CRYBG3: variants seen among roughly 807,000 people sequenced by gnomAD.
CRYBG3 encodes the protein crystallin beta-gamma domain containing 3, also known as very large A-kinase anchor protein.
A neutral mutation model predicts 244.2 loss-of-function variants in CRYBG3; 127 were observed. That is an observed-to-expected ratio of 0.52 (90% CI 0.45 to 0.60). The LOEUF is 0.60. CRYBG3 is among the 20% of genes least tolerant of loss of function. CRYBG3 has a pLI of 0.00. For missense variants in CRYBG3, 3,325 were observed against 3,442.5 expected (o/e 0.97, Z 0.85); for synonymous variants, 1,132 against 1,195.8 (o/e 0.95, Z 1.10).
chr3:97,931,372 G>A (rs1040444035), intron 17 of CRYBG3, among the ~76,000 whole-genome samples: 8 of 152,056 alleles, frequency 5.3e-5, no homozygotes, highest in African/African-American at 1.7e-4. Flanking sequence ...GTGTAAATGG[G>A]TTCTGTTTTG....
chr3:97,924,334 A>G (rs2040016176), intron 17 of CRYBG3: 1 of 409,642 alleles, frequency 2.4e-6, no homozygotes, highest in East Asian at 7.7e-5. Context: ...TTAGAAGAAA[A>G]TATAGGAATC....
chr3:97,892,899 A>G lies in CRYBG3; in HGVS notation c.7480A>G (p.Lys2494Glu), dbSNP rs117417941. 2,165 of 1,564,714 alleles carry G rather than the reference A, an allele frequency of 1.4e-3. 53 individuals are homozygous for G. The East Asian group carries it at 0.044, about 32-fold the overall frequency. Reference protein sequence around the residue: ...YEKPHFHGQAKEFSEHIDSVP... With the variant: ...YEKPHFHGQAEEFSEHIDSVP... Reference sequence around the variant, plus strand: ...AAAACCTCACTTCCATGGACAGGCTAAAGAGTTTAGTGAACATATAGATTC... The same window carrying G: ...AAAACCTCACTTCCATGGACAGGCTGAAGAGTTTAGTGAACATATAGATTC... Residue 2494 changes from lysine (K) to glutamate (E), a missense_variant, in exon 11 of 22, where the codon AAA becomes GAA. Around this residue, in one of 4 missense-constraint regions of CRYBG3, gnomAD observed 714 missense variants for 803.6 expected, o/e 0.89. Transcript: ENST00000389622.
Position 97,881,168 on chromosome 3 carries a change from A to G in CRYBG3, c.7101A>G (p.Arg2367=). The G allele has an allele frequency of 6.2e-7, 1 of 1,611,508 alleles. No individual in the cohort carries two copies. Among genetic ancestry groups the G allele is most frequent in the Non-Finnish European group, 8.5e-7 (1 of 1,178,566 alleles). The change falls in exon 7 of 22, where the codon AGA becomes AGG. Residue 2367 remains arginine (R), a synonymous_variant. Coordinates refer to ENST00000389622, the MANE Select transcript of CRYBG3 (RefSeq NM_153605.4). ...ATCGTGACTGGATTCTTCAGAACAG[A>G]AGGCATCCACAAAGAAACTTTATAT... ...VLNRDWILQN[R]RHPQRNFILG... is the part of the protein sequence containing the mutation.
intron 19 of CRYBG3, 34 bp from the exon 20 acceptor site, chr3:97,941,114 G>GTTTA: frequency 1.3e-6 from 2 of 1,563,956 alleles, no homozygotes; most frequent in Non-Finnish European, 1.7e-6. Context: ...AGATTCAAAA[G>GTTTA]TTTATTTCTA....
chr3:97,870,781 C>T (rs1422217937), intron 3 of CRYBG3, among the ~76,000 whole-genome samples: 1 of 152,118 alleles, frequency 6.6e-6, no homozygotes, highest in Non-Finnish European at 1.5e-5. Context: ...ATACAACTTG[C>T]CAAATCTTGT....
chr3:97,938,682 T>G (rs986857120), intron 19 of CRYBG3, among the ~76,000 whole-genome samples: 12 of 152,026 alleles, frequency 7.9e-5, no homozygotes, highest in African/African-American at 2.9e-4. Flanking sequence ...GGTGAAGCAG[T>G]GATCACATTG....
chr3:97,860,806 A>C (rs9835167), intron 2 of CRYBG3, among the ~76,000 whole-genome samples: 115,524 of 151,896 alleles, frequency 0.76, 44,554 homozygotes, highest in East Asian at 0.85. Context: ...ATTGTTTTTG[A>C]CTTGTAATCT....
intron 2 of CRYBG3, among the ~76,000 whole-genome samples, chr3:97,847,138 AG>A (rs1266605298): frequency 6.6e-6 from 1 of 152,130 alleles, no homozygotes; most frequent in African/African-American, 2.4e-5. Flanking sequence ...GCCATCCATG[AG>A]GGTTCTGCCC....
chr3:97,901,684 A>C (rs1498652), intron 15 of CRYBG3, among the ~76,000 whole-genome samples: 69,388 of 151,984 alleles, frequency 0.46, 16,705 homozygotes, highest in East Asian at 0.67. Context: ...TTCAAACTGC[A>C]CATTTTTTGA....
intron 3 of CRYBG3, among the ~76,000 whole-genome samples, chr3:97,865,444 A>G (rs1158362578): frequency 6.6e-6 from 1 of 152,182 alleles, no homozygotes; most frequent in Non-Finnish European, 1.5e-5. Context: ...TATAGTTTCC[A>G]GGTGTCTTCA....
At chr3:97,900,688 T>C (rs1241784546) in intron 15 of CRYBG3, among the ~76,000 whole-genome samples, 1 of 152,220 alleles carries the variant, frequency 6.6e-6, no homozygotes. Flanking sequence ...ACACTTCCTT[T>C]TGTTTTCTCC....
Position 97,943,768 on chromosome 3 carries a change from G to GT in CRYBG3, c.*455dup, listed in dbSNP as rs933522129. ...AAGTCATACTTTTGCAAACAGATGA[G>GT]TAATTTTTTAGCAACACCTGAAAAT... On this transcript the variant is annotated 3_prime_UTR_variant, in exon 22 of 22. Coordinates refer to ENST00000389622, the MANE Select transcript of CRYBG3 (RefSeq NM_153605.4). The GT allele has an allele frequency of 1.2e-4, 17 of 141,004 alleles. No homozygotes were observed. The highest frequency in any genetic ancestry group is 4.1e-4 in the African/African-American group (16 of 39,272). 8.7% of individuals were successfully genotyped at this position (141,004 alleles called of 1,614,324 possible).
chr3:97,867,939 A>G lies in CRYBG3; in HGVS notation c.647+3292A>G, dbSNP rs181827694. ...TAGCTATATACTTTTAGGCATTTCT[A>G]TTTACTAGGGAAAAATTAAAAATTA... On this transcript the variant is annotated intron_variant, in intron 3 of 21. Transcript: ENST00000389622. 2.1e-3 allele frequency among the ~76,000 whole-genome samples: 316 copies of G among 152,262 alleles called. 5 individuals are homozygous for G. Among genetic ancestry groups the G allele is most frequent in the East Asian group, 1.7e-3 (9 of 5,190 alleles).
rs150092406 is a variant in CRYBG3, at chr3:97,880,660, T to G, written c.7005-412T>G. On this transcript the variant is annotated intron_variant, in intron 6 of 21. Coordinates refer to ENST00000389622, the MANE Select transcript of CRYBG3 (RefSeq NM_153605.4). ...CATTCATGTCTTAAATCATATGGTG[T>G]AATCTCGTCTTCATATAATAAAATG... 2.1e-3 allele frequency among the ~76,000 whole-genome samples: 323 copies of G among 152,348 alleles called. 1 individual carries two copies. Among genetic ancestry groups the G allele is most frequent in the African/African-American group, 7.2e-3 (301 of 41,580 alleles).
rs760028018 is a variant in CRYBG3, at chr3:97,944,566, A to AT, written c.*1258dup. On this transcript the variant is annotated 3_prime_UTR_variant, in exon 22 of 22. Transcript: ENST00000389622. ...AACTCGAAGACCCACTATTTTGAGT[A>AT]TTTTTTATAGACTTTAAATACTGGG... 5 of 152,338 alleles carry AT rather than the reference A, an allele frequency of 3.3e-5. No individual in the cohort carries two copies. The highest frequency in any genetic ancestry group is 7.2e-5 in the African/African-American group (3 of 41,416). 9.4% of individuals were successfully genotyped at this position (152,338 alleles called of 1,614,324 possible).
rs1376112181 is a variant in CRYBG3 at position 97,872,115 on chromosome 3, C to T, written c.921C>T (p.Ser307=). 3.3e-6 allele frequency: 5 copies of T among 1,535,862 alleles called. No homozygotes were observed. In the Admixed American group the frequency reaches 5.9e-5, roughly 18 times the overall value. ...GCCCATTAGAAGACTCTGATTGTAG[C>T]AAAACAAGTTTCAACAAGGAAAATT... ...LEGPLEDSDC[S]KTSFNKENSL... The change falls in exon 4 of 22, where the codon AGC becomes AGT. Residue 307 remains serine (S), a synonymous_variant. Coordinates refer to ENST00000389622, the MANE Select transcript of CRYBG3 (RefSeq NM_153605.4).
At chr3:97,848,354 T>C (rs1022376360) in intron 2 of CRYBG3, among the ~76,000 whole-genome samples, 3 of 152,096 alleles carry the variant, frequency 2.0e-5, no homozygotes, top group African/African-American at 7.2e-5. Context: ...CTGGAGTGAG[T>C]GCAGTGGCGC....
chr3:97,900,052 GA>G (rs1436314794), intron 14 of CRYBG3, among the ~76,000 whole-genome samples: 1 of 152,156 alleles, frequency 6.6e-6, no homozygotes, highest in Non-Finnish European at 1.5e-5. Flanking sequence ...GTCAAACCAT[GA>G]AAAAAATTTT....
intron 15 of CRYBG3, among the ~76,000 whole-genome samples, chr3:97,907,354 C>G (rs1213995606): frequency 6.6e-6 from 1 of 151,970 alleles, no homozygotes; most frequent in Admixed American, 6.6e-5. Flanking sequence ...TGGTAGAATT[C>G]GGCTGTGAAT....
Sources: allele counts gnomAD v4.1 joint callset (sites outside exome capture counted in the v4.1 genomes callset), GRCh38; gene constraint gnomAD v4.1.1; regional missense constraint gnomAD v4.1.1; transcripts MANE v1.5; gene names NCBI Gene and HGNC (gene_info 2026-07-23, HGNC 2026-07-21).